Variants in PDE3B observed in about 807,000 individuals in gnomAD.
PDE3B encodes cGMP-inhibited 3',5'-cyclic phosphodiesterase 3B.
In PDE3B, 66 loss-of-function variants were observed where a neutral mutation model predicts 116.8. That is an observed-to-expected ratio of 0.56 (90% CI 0.46 to 0.69). PDE3B has a LOEUF of 0.69. Ranked by LOEUF, PDE3B falls within the 30% of genes least tolerant of loss-of-function variation. The pLI, the probability that PDE3B is intolerant of heterozygous loss-of-function variation, is 0.00. For missense variants in PDE3B, 1,384 were observed against 1,368.1 expected (o/e 1.01, Z -0.18); for synonymous variants, 595 against 533.6 (o/e 1.12, Z -1.59).
chr11:14,690,243 A>G (rs917151405), intron 1 of PDE3B, among the ~76,000 whole-genome samples: 4 of 152,172 alleles, frequency 2.6e-5, no homozygotes, highest in African/African-American at 9.6e-5. Flanking sequence ...TCCAAATCGA[A>G]TGGTTTATAA....
At chr11:14,890,926 C>T in the PDE3B span, 3 of 985,356 alleles carry the variant, frequency 3.0e-6, no homozygotes, top group Non-Finnish European at 3.6e-6. Flanking sequence ...GCCAAACATC[C>T]CTGTACTTTT....
At chr11:14,759,316 A>G (rs1042123243) in intron 1 of PDE3B, among the ~76,000 whole-genome samples, 2 of 151,980 alleles carry the variant, frequency 1.3e-5, no homozygotes, top group Admixed American at 6.6e-5. Context: ...CTCTTTTTCT[A>G]TTGACTGGAA....
At chr11:14,780,039 C>G (rs1378127884) in intron 2 of PDE3B, among the ~76,000 whole-genome samples, 1 of 150,272 alleles carries the variant, frequency 6.7e-6, no homozygotes, top group Non-Finnish European at 1.5e-5. Context: ...ATAAAACAGA[C>G]TTTAAACCAA....
At chr11:14,732,415 A>C (rs936738266) in intron 1 of PDE3B, among the ~76,000 whole-genome samples, 1 of 152,200 alleles carries the variant, frequency 6.6e-6, no homozygotes, top group Non-Finnish European at 1.5e-5. Flanking sequence ...GAGGCAATTA[A>C]ATTGAGAACC....
chr11:14,721,012 C>T (rs1296422472), intron 1 of PDE3B, among the ~76,000 whole-genome samples: 4 of 131,286 alleles, frequency 3.0e-5, no homozygotes, highest in African/African-American at 6.0e-5. Context: ...AGAAAATTTT[C>T]GCAACCTACT....
At chr11:14,757,248 T>G (rs1265292783) in intron 1 of PDE3B, among the ~76,000 whole-genome samples, 1 of 151,242 alleles carries the variant, frequency 6.6e-6, no homozygotes, top group Admixed American at 6.6e-5. Flanking sequence ...TTGTGAATAA[T>G]GCCGCAATAA....
intron 1 of PDE3B, among the ~76,000 whole-genome samples, chr11:14,712,004 A>G (rs1045502666): frequency 1.3e-5 from 2 of 152,224 alleles, no homozygotes; most frequent in African/African-American, 4.8e-5. Context: ...CTAAGAAAAA[A>G]TTTAGTCATT....
At chr11:14,846,508 A>G (rs1257416997) in intron 12 of PDE3B, among the ~76,000 whole-genome samples, 2 of 152,204 alleles carry the variant, frequency 1.3e-5, no homozygotes, top group African/African-American at 4.8e-5. Flanking sequence ...TTAAATGTAA[A>G]TGGACTAAAT....
chr11:14,866,571 A>C (rs1848051651), intron 14 of PDE3B, among the ~76,000 whole-genome samples: 1 of 152,194 alleles, frequency 6.6e-6, no homozygotes, highest in South Asian at 2.1e-4. Flanking sequence ...CCTCATAGAC[A>C]ATAATCTCGT....
At chr11:14,898,711 CTCTTTTTCTTT>C in the PDE3B span, among the ~76,000 whole-genome samples, 56 of 152,082 alleles carry the variant, frequency 3.7e-4, no homozygotes, top group Non-Finnish European at 5.9e-4. Context: ...TTCTTTTTTT[CTCTTTTTCTTT>C]TCTTTTCTTT....
intron 2 of PDE3B, chr11:14,775,023 A>G (rs1857743909): frequency 6.6e-6 from 1 of 152,206 alleles, no homozygotes; most frequent in African/African-American, 2.4e-5. Flanking sequence ...ATGTCTTTAC[A>G]TAAGCATTTC....
At chr11:14,837,319 C>T (rs1860086552) in intron 11 of PDE3B, among the ~76,000 whole-genome samples, 1 of 152,176 alleles carries the variant, frequency 6.6e-6, no homozygotes, top group African/African-American at 2.4e-5. Flanking sequence ...TTATCAAGTC[C>T]TTATTCCTCT....
Position 14,644,577 on chromosome 11 carries a change from G to A in PDE3B, c.502G>A (p.Val168Met). ...CTGCTGTTACCTGGGGGACTTCTTG[G>A]TGTGGCAGTGGTGGTCTTGGCCTTG... ...PACCYLGDFL[V>M]WQWWSWPWGD... Residue 168 changes from valine (V) to methionine (M), a missense_variant, in exon 1 of 16, where the codon GTG (valine) becomes ATG (methionine). Val to Met is a conservative substitution (Grantham distance 21). Around this residue, in one of 2 missense-constraint regions of PDE3B, gnomAD observed 956 missense variants for 806.8 expected, o/e 1.18. Transcript: ENST00000282096. 6.3e-7 allele frequency: 1 copy of A among 1,586,312 alleles called. No homozygotes were observed. The highest frequency in any genetic ancestry group is 8.6e-7 in the Non-Finnish European group (1 of 1,166,700).
chr11:14,762,291 A>G (rs758367464), intron 1 of PDE3B, among the ~76,000 whole-genome samples: 1 of 152,172 alleles, frequency 6.6e-6, no homozygotes, highest in Non-Finnish European at 1.5e-5. Flanking sequence ...TGACAGGAAA[A>G]GAAAAATGAA....
chr11:14,845,558 TCAAAC>T (rs1216878796), intron 12 of PDE3B, among the ~76,000 whole-genome samples: 1 of 152,082 alleles, frequency 6.6e-6, no homozygotes, highest in Non-Finnish European at 1.5e-5. Flanking sequence ...AGGAGGAAAT[TCAAAC>T]CAAAGGCAAA....
At position 14,644,769 on chromosome 11, in the gene PDE3B, G is replaced by C. The variant is rs761686747; in HGVS notation, c.694G>C (p.Val232Leu). 1 of 1,604,706 alleles carries C rather than the reference G, an allele frequency of 6.2e-7. No homozygotes were observed. The highest frequency in any genetic ancestry group is 1.1e-5 in the South Asian group (1 of 90,070). Reference sequence around the variant, plus strand: ...GCTCCTGGCCAGCTTCGTCTGGTGGGTCTCCTTCACCAGCCTCGGGTCGCT... The same window carrying C: ...GCTCCTGGCCAGCTTCGTCTGGTGGCTCTCCTTCACCAGCCTCGGGTCGCT... ...VLLLASFVWWVSFTSLGSLPS... is the reference protein window; with the variant it reads ...VLLLASFVWWLSFTSLGSLPS... Residue 232 changes from valine (V) to leucine (L), a missense_variant, in exon 1 of 16, where the codon GTC becomes CTC. Around this residue, in one of 2 missense-constraint regions of PDE3B, gnomAD observed 956 missense variants for 806.8 expected, o/e 1.18. Coordinates refer to ENST00000282096, the MANE Select transcript of PDE3B (RefSeq NM_000922.4).
At chr11:14,797,072 T>G (rs942879552) in intron 4 of PDE3B, among the ~76,000 whole-genome samples, 1 of 152,252 alleles carries the variant, frequency 6.6e-6, no homozygotes, top group African/African-American at 2.4e-5. Context: ...AGTTTCAGTT[T>G]TCTGCATATG....
intron 7 of PDE3B, among the ~76,000 whole-genome samples, chr11:14,825,665 T>C (rs147353733): frequency 1.3e-5 from 2 of 152,300 alleles, no homozygotes; most frequent in African/African-American, 4.8e-5. Context: ...ACAAAGTGCC[T>C]TAGACTCCCA....
chr11:14,891,216 C>G, the PDE3B span: 1 of 985,284 alleles, frequency 1.0e-6, no homozygotes, highest in Non-Finnish European at 1.2e-6. Context: ...CTTTCCCCTC[C>G]GCAGAATGAG....
Sources: allele counts gnomAD v4.1 joint callset (sites outside exome capture counted in the v4.1 genomes callset), GRCh38; gene constraint gnomAD v4.1.1; regional missense constraint gnomAD v4.1.1; transcripts MANE v1.5; gene names NCBI Gene and HGNC (gene_info 2026-07-23, HGNC 2026-07-21).